TMEM130: variants seen among roughly 807,000 people sequenced by gnomAD.
The protein encoded by TMEM130 is transmembrane protein 130.
A neutral mutation model predicts 42.9 loss-of-function variants in TMEM130; 37 were observed. The ratio of observed to expected loss-of-function variants is 0.86; its 90% CI spans 0.66 to 1.13. TMEM130 has a LOEUF of 1.13. Among genes scored for constraint, TMEM130 ranks in the 50% most tolerant of loss-of-function variants. The pLI, the probability that TMEM130 is intolerant of heterozygous loss-of-function variation, is 0.00. For missense variants in TMEM130, 545 were observed against 562.6 expected (o/e 0.97, Z 0.32); for synonymous variants, 259 against 237.7 (o/e 1.09, Z -0.82).
chr7:98,856,896 ATC>A (rs1224605496), intron 3 of TMEM130, among the ~76,000 whole-genome samples: 1 of 150,416 alleles, frequency 6.6e-6, no homozygotes, highest in Non-Finnish European at 1.5e-5. Flanking sequence ...TGTACTTTTT[ATC>A]TCTCTCTCCC....
chr7:98,869,831 G>A lies in TMEM130; in HGVS notation c.31C>T (p.Arg11Cys). ...AGGAGGCAGGCAAGCCAGAGGATGC[G>A]GCCGAGGCGCGACCACACTGCCTGG... is the stretch of plus-strand genomic sequence containing the variant. MAQAVWSRLG[R>C]ILWLACLLPW... Residue 11 changes from arginine (R) to cysteine (C), a missense_variant, in exon 1 of 8, where the codon CGC (arginine) becomes TGC (cysteine). Coordinates refer to ENST00000339375, the MANE Select transcript of TMEM130 (RefSeq NM_152913.3). This position sits in a 1 kb window ranked among gnomAD's most constrained non-coding sequence, Gnocchi z 4.7. 6.9e-7 allele frequency: 1 copy of A among 1,446,814 alleles called. No individual in the cohort carries two copies. The highest frequency in any genetic ancestry group is 9.1e-7 in the Non-Finnish European group (1 of 1,101,314). 89.6% of individuals were successfully genotyped at this position (1,446,814 alleles called of 1,614,324 possible).
At chr7:98,848,254 A>C in intron 7 of TMEM130, 46 bp from the exon 8 acceptor site, 2 of 1,611,080 alleles carry the variant, frequency 1.2e-6, no homozygotes, top group Non-Finnish European at 1.7e-6. Context: ...CCTATGATGA[A>C]CAAAATCCCA....
Position 98,870,001 on chromosome 7 carries a change from C to A in TMEM130, c.-140G>T. 1 of 439,822 alleles carries A rather than the reference C, an allele frequency of 2.3e-6. No individual in the cohort carries two copies. Among genetic ancestry groups the A allele is most frequent in the Non-Finnish European group, 3.6e-6 (1 of 276,638 alleles). The allele number at this position is 439,822 out of a possible 1,614,324, so 27.2% of individuals were successfully genotyped here. A position where few individuals can be genotyped will look rare whatever the true frequency, so the allele number is the denominator to read the frequency against. ...CGGGCGCCGTGCTCGCTCGTCCTCG[C>A]CGGGGGACGCTCTGTCGCTGCGCGC... is the stretch of plus-strand genomic sequence containing the variant. On this transcript the variant is annotated 5_prime_UTR_variant, in exon 1 of 8. Transcript: ENST00000339375.
chr7:98,869,785 A>G lies in TMEM130; in HGVS notation c.77T>C (p.Val26Ala). ...ATTGCCCAGCGCCTTACCTGCGGCCACCCCTGCCGGGGCCCAGGGCAGGAG... is the reference window on the plus strand; with the variant it reads ...ATTGCCCAGCGCCTTACCTGCGGCCGCCCCTGCCGGGGCCCAGGGCAGGAG... ...ACLLPWAPAG[V>A]AAGLYELNLT... Residue 26 changes from valine to alanine, a missense_variant, in exon 1 of 8, where the codon GTG becomes GCG. Transcript: ENST00000339375. This position sits in a 1 kb window ranked among gnomAD's most constrained non-coding sequence, Gnocchi z 4.7. 7.1e-7 allele frequency: 1 copy of G among 1,417,806 alleles called. No individual in the cohort carries two copies. Among genetic ancestry groups the G allele is most frequent in the South Asian group, 1.5e-5 (1 of 68,278 alleles). The allele number at this position is 1,417,806 out of a possible 1,614,324, so 87.8% of individuals were successfully genotyped here.
chr7:98,851,698 C>T (rs1230675541), intron 5 of TMEM130, 75 bp from the exon 6 acceptor site: 1 of 1,375,484 alleles, frequency 7.3e-7, no homozygotes, highest in African/African-American at 1.4e-5. Context: ...CCAAGACAGG[C>T]CAGGTGGGCA....
At position 98,853,752 on chromosome 7, in the gene TMEM130, A is replaced by G. The variant is rs183189595; in HGVS notation, c.803+1488T>C. ...ATGCACTCGGCATCTGTGTCTCCTC[A>G]CCTACTAAACACTCAGCCTGATGCT... On this transcript the variant is annotated intron_variant, in intron 5 of 7. Transcript: ENST00000339375. Among the ~76,000 whole-genome samples, 355 of 152,264 alleles carry G rather than the reference A, an allele frequency of 2.3e-3. 1 individual carries two copies. The highest frequency in any genetic ancestry group is 4.5e-3 in the Admixed American group (69 of 15,298).
At chr7:98,851,393 C>G (rs570584149) in intron 6 of TMEM130, 28 bp downstream of exon 6, 2 of 1,611,884 alleles carry the variant, frequency 1.2e-6, no homozygotes, top group Non-Finnish European at 1.7e-6. Context: ...CCATGTGGCA[C>G]TGGAGCAGAA....
At chr7:98,850,271 ATATT>A (rs1241148361) in intron 6 of TMEM130, among the ~76,000 whole-genome samples, 5 of 33,880 alleles carry the variant, frequency 1.5e-4, no homozygotes, top group African/African-American at 2.3e-4. Flanking sequence ...ATATATATAT[ATATT>A]TTTTTTTTTT....
At position 98,847,812 on chromosome 7, in the gene TMEM130, G is replaced by T; in HGVS notation, c.*244C>A. On this transcript the variant is annotated 3_prime_UTR_variant, in exon 8 of 8. Coordinates refer to ENST00000339375, the MANE Select transcript of TMEM130 (RefSeq NM_152913.3). ...AGCCTCTTCAAAGGTAGGGGGTCAAGGGGGTGGTAACCGAGTGGGGCTTAT... is the reference window on the plus strand; with the variant it reads ...AGCCTCTTCAAAGGTAGGGGGTCAATGGGGTGGTAACCGAGTGGGGCTTAT... 1 of 387,606 alleles carries T rather than the reference G, an allele frequency of 2.6e-6. No homozygotes were observed. Among genetic ancestry groups the T allele is most frequent in the Non-Finnish European group, 4.6e-6 (1 of 217,864 alleles). 24.0% of individuals were successfully genotyped at this position (387,606 alleles called of 1,614,324 possible).
At position 98,861,967 on chromosome 7, in the gene TMEM130, ATG is replaced by A. The variant is rs1236956813; in HGVS notation, c.391+1126_391+1127del. On this transcript the variant is annotated intron_variant, in intron 2 of 7. Coordinates refer to ENST00000339375, the MANE Select transcript of TMEM130 (RefSeq NM_152913.3). ...TTTTTTAATATGTAATTTTACATGCATGTGTATTTACCCATGGCCTTACAAAC... is the reference window on the plus strand; with the variant it reads ...TTTTTTAATATGTAATTTTACATGCATGTATTTACCCATGGCCTTACAAAC... 2.6e-5 allele frequency among the ~76,000 whole-genome samples: 4 copies of A among 152,172 alleles called. No individual in the cohort carries two copies. In the East Asian group the frequency reaches 7.7e-4, roughly 29 times the overall value.
Position 98,869,871 on chromosome 7 carries a change from C to G in TMEM130, c.-10G>C, listed in dbSNP as rs1554401121. The G allele has an allele frequency of 3.0e-6, 4 of 1,353,524 alleles. No individual in the cohort carries two copies. Among genetic ancestry groups the G allele is most frequent in the Non-Finnish European group, 3.8e-6 (4 of 1,049,844 alleles). 83.8% of individuals were successfully genotyped at this position (1,353,524 alleles called of 1,614,324 possible). On this transcript the variant is annotated 5_prime_UTR_variant, in exon 1 of 8. Transcript: ENST00000339375. This position sits in a 1 kb window ranked among gnomAD's most constrained non-coding sequence, Gnocchi z 4.7. ...ACACTGCCTGGGCCATTGCGGGGCCCGGAGCGGGAGAAGCGTGGGGCGGAC... is the reference window on the plus strand; with the variant it reads ...ACACTGCCTGGGCCATTGCGGGGCCGGGAGCGGGAGAAGCGTGGGGCGGAC...
rs112273333 is a variant in TMEM130 at position 98,860,238 on chromosome 7, G to A, written c.492C>T (p.His164=). 3.7e-5 allele frequency: 59 copies of A among 1,614,094 alleles called. No homozygotes were observed. The highest frequency in any genetic ancestry group is 1.8e-4 in the East Asian group (8 of 44,874). The stretch of plus-strand genomic sequence containing the variant: ...CGGTCTTGAGGAAGTTGCTCGGGTC[G>A]TGGAGGAGGAAGGAGACTTTCAGGA... The part of the protein sequence containing the change: ...KTVLKVSFLL[H]DPSNFLKTAL... Residue 164 remains histidine (H), a synonymous_variant, in exon 3 of 8, where the codon CAC becomes CAT. Coordinates refer to ENST00000339375, the MANE Select transcript of TMEM130 (RefSeq NM_152913.3).
chr7:98,851,676 C>T (rs1794510188), intron 5 of TMEM130, 53 bp from the exon 6 acceptor site: 15 of 1,502,770 alleles, frequency 1.0e-5, no homozygotes, highest in Non-Finnish European at 1.3e-5. Flanking sequence ...AGCATGTCAG[C>T]ACAGACCAAG....
In TMEM130 at chr7:98,848,104, G is replaced by A. The variant is rs149598430; in HGVS notation, c.1224C>T (p.His408=). The A allele has an allele frequency of 2.1e-4, 344 of 1,614,030 alleles. No homozygotes were observed. Among genetic ancestry groups the A allele is most frequent in the African/African-American group, 1.9e-3 (140 of 75,020 alleles). Residue 408 remains histidine (H), a synonymous_variant, in exon 8 of 8, where the codon CAC becomes CAT. Transcript: ENST00000339375. ...SEYLEIVREN[H]GLLPPLYKSV... ...ACTTATAGAGGGGCGGGAGCAGCCC[G>A]TGGTTCTCACGAACAATTTCCAGGT...
chr7:98,857,863 T>C (rs1554399273), intron 3 of TMEM130, among the ~76,000 whole-genome samples: 1 of 151,448 alleles, frequency 6.6e-6, no homozygotes, highest in African/African-American at 2.4e-5. Flanking sequence ...TAGCTGGGAA[T>C]ACAGGCGCAC....
rs553651588 is a variant in TMEM130 at position 98,869,277 on chromosome 7, G to C, written c.85+500C>G. On this transcript the variant is annotated intron_variant, in intron 1 of 7. Transcript: ENST00000339375. The surrounding 1 kb of genome is among the most constrained non-coding windows in gnomAD (Gnocchi z 4.7). ...GAGGAAATGGCAGCCTGGCCTCCTG[G>C]GCTCTAAATTCGCATCTCCCCAAAG... 7.8e-7 allele frequency: 1 copy of C among 1,288,186 alleles called. No homozygotes were observed. Among genetic ancestry groups the C allele is most frequent in the African/African-American group, 1.5e-5 (1 of 65,852 alleles). The allele number at this position is 1,288,186 out of a possible 1,614,324, so 79.8% of individuals were successfully genotyped here.
chr7:98,853,684 A>AT (rs1417431781), intron 5 of TMEM130, among the ~76,000 whole-genome samples: 6 of 152,234 alleles, frequency 3.9e-5, no homozygotes, highest in Non-Finnish European at 8.8e-5. Flanking sequence ...CTGCGGCTCT[A>AT]TCCATCCCAG....
rs1439134788 is a variant in TMEM130 at position 98,854,042 on chromosome 7, G to T, written c.803+1198C>A. 3.6e-3 allele frequency among the ~76,000 whole-genome samples: 377 copies of T among 105,556 alleles called. 2 individuals are homozygous for T. The highest frequency in any genetic ancestry group is 7.0e-3 in the East Asian group (26 of 3,702). The allele number at this position is 105,556 out of a possible 152,430, so 69.2% of individuals were successfully genotyped here. A position where few individuals can be genotyped will look rare whatever the true frequency, so the allele number is the denominator to read the frequency against. ...TTTTTTTGTTTTTTGGTTTTTTTTT[G>T]TTTTTTTTTTTTTTGGACAGAGTCT... On this transcript the variant is annotated intron_variant, in intron 5 of 7. Transcript: ENST00000339375.
chr7:98,855,185 AGGG>A, intron 5 of TMEM130, 52 bp downstream of exon 5: 1 of 1,503,450 alleles, frequency 6.7e-7, no homozygotes, highest in Non-Finnish European at 9.2e-7. Context: ...GTCATCGTGA[AGGG>A]GGATGTGCAG....
Sources: allele counts gnomAD v4.1 joint callset (sites outside exome capture counted in the v4.1 genomes callset), GRCh38; gene constraint gnomAD v4.1.1; non-coding constraint Gnocchi (gnomAD v3.1); transcripts MANE v1.5; gene names NCBI Gene and HGNC (gene_info 2026-07-23, HGNC 2026-07-21).